Variants in FRMD6 observed in about 807,000 individuals in gnomAD.
FRMD6 encodes the protein FERM domain containing 6.
In FRMD6, 37 loss-of-function variants were observed where a neutral mutation model predicts 73.2. That is an observed-to-expected ratio of 0.51 (90% CI 0.39 to 0.66). The LOEUF is 0.66. Among genes scored for constraint, FRMD6 ranks in the 30% least tolerant of loss-of-function variants. The pLI is 0.00. For missense variants in FRMD6, 714 were observed against 780.5 expected (o/e 0.91, Z 1.02); for synonymous variants, 273 against 282.2 (o/e 0.97, Z 0.33).
At chr14:51,426,039 C>T in the FRMD6 span, among the ~76,000 whole-genome samples, 3 of 152,104 alleles carry the variant, frequency 2.0e-5, no homozygotes, top group African/African-American at 4.8e-5. Flanking sequence ...TCTCCAAATC[C>T]AGTCTCATAA....
intron 1 of FRMD6, among the ~76,000 whole-genome samples, chr14:51,554,406 C>T (rs569737930): frequency 6.6e-6 from 1 of 152,140 alleles, no homozygotes; most frequent in Non-Finnish European, 1.5e-5. Context: ...ATAGTAACTT[C>T]CTTCCAAAGA....
At chr14:51,576,447 T>A (rs974438608) in intron 2 of FRMD6, among the ~76,000 whole-genome samples, 1 of 152,172 alleles carries the variant, frequency 6.6e-6, no homozygotes, top group South Asian at 2.1e-4. Flanking sequence ...GACTGAAACC[T>A]CCTCTGTCTT....
At chr14:51,628,799 TCAAAAAAAA>T (rs1891216261) in intron 2 of FRMD6, among the ~76,000 whole-genome samples, 1 of 9,324 alleles carries the variant, frequency 1.1e-4, no homozygotes, top group Non-Finnish European at 2.2e-4. Context: ...AGACTCTGTC[TCAAAAAAAA>T]AAAAAAAAAA....
chr14:51,665,317 C>A (rs1893502322), intron 1 of FRMD6, among the ~76,000 whole-genome samples: 1 of 152,306 alleles, frequency 6.6e-6, no homozygotes, highest in East Asian at 1.9e-4. Context: ...TGGGACCAAG[C>A]TGTTGTAGGC....
chr14:51,420,805 C>T, the FRMD6 span, among the ~76,000 whole-genome samples: 5 of 152,110 alleles, frequency 3.3e-5, no homozygotes, highest in East Asian at 1.9e-4. Flanking sequence ...AATGGAGTCT[C>T]GCTCTGTCAC....
chr14:51,644,842 A>ACGCTC (rs2140048612), intron 2 of FRMD6, among the ~76,000 whole-genome samples: 1 of 152,306 alleles, frequency 6.6e-6, no homozygotes, highest in East Asian at 1.9e-4. Flanking sequence ...ATATATAAAA[A>ACGCTC]TGTTTTTACA....
intron 12 of FRMD6, among the ~76,000 whole-genome samples, chr14:51,725,163 T>G (rs916339295): frequency 6.6e-6 from 1 of 152,184 alleles, no homozygotes; most frequent in Non-Finnish European, 1.5e-5. Flanking sequence ...TTTTATGCAT[T>G]CACTGTGTAA....
At chr14:51,437,787 C>A in the FRMD6 span, among the ~76,000 whole-genome samples, 429 of 152,266 alleles carry the variant, frequency 2.8e-3, 2 homozygotes, top group Non-Finnish European at 4.9e-3. Context: ...GTGTCTCTAC[C>A]CCTTTCTGTT....
At position 51,727,748 on chromosome 14, in the gene FRMD6, A is replaced by C. The variant is rs374799440; in HGVS notation, c.1588A>C (p.Ile530Leu). 123 of 1,595,966 alleles carry C rather than the reference A, an allele frequency of 7.7e-5. No individual in the cohort carries two copies. The highest frequency in any genetic ancestry group is 1.0e-4 in the Non-Finnish European group (122 of 1,165,290). Reference sequence around the variant, plus strand: ...TCATCCTTCCCTTATCTTGCAGACTATATGTCGGAAACCAAAGACCTCCAC... The same window carrying C: ...TCATCCTTCCCTTATCTTGCAGACTCTATGTCGGAAACCAAAGACCTCCAC... Reference protein sequence around the residue: ...GQSTDSLPQTICRKPKTSTDR... With the variant: ...GQSTDSLPQTLCRKPKTSTDR... The change falls in exon 14 of 14, where the codon ATA becomes CTA. Residue 530 changes from isoleucine to leucine, a missense_variant. By Grantham distance (5) the Ile-to-Leu change is conservative. Transcript: ENST00000344768.
At position 51,493,625 on chromosome 14, in the gene FRMD6, C is replaced by G. The variant is rs1367411344; in HGVS notation, c.-210+4205C>G. On this transcript the variant is annotated intron_variant, in intron 1 of 14. Coordinates refer to the FRMD6 transcript ENST00000356218. ...CTGTTTCCTTTATAAATTACCCAGT[C>G]TCAGCTGTGTCTTTATTAGCAGTGT... Among the ~76,000 whole-genome samples, 68 of 152,172 alleles carry G rather than the reference C, an allele frequency of 4.5e-4. 1 individual carries two copies. Among genetic ancestry groups the G allele is most frequent in the Non-Finnish European group, 8.8e-5 (6 of 68,034 alleles).
At chr14:51,414,533 A>T in the FRMD6 span, among the ~76,000 whole-genome samples, 2 of 152,220 alleles carry the variant, frequency 1.3e-5, no homozygotes, top group Admixed American at 6.5e-5. Context: ...TGGTACCAGT[A>T]CCACGCTGTT....
chr14:51,514,521 T>TA lies in FRMD6; in HGVS notation c.-210+25108dup, dbSNP rs1176408927. On this transcript the variant is annotated intron_variant, in intron 1 of 14. Coordinates refer to the FRMD6 transcript ENST00000356218. ...CAGAACTTAAAGTAAAATAAATAAA[T>TA]AAAAAAAGATAAAATGTGAGTAAGA... Among the ~76,000 whole-genome samples the TA allele has an allele frequency of 6.6e-5, 10 of 151,952 alleles. No homozygotes were observed. The East Asian group carries it at 1.9e-3, about 29-fold the overall frequency.
chr14:51,483,092 T>G, the FRMD6 span, among the ~76,000 whole-genome samples: 4 of 152,232 alleles, frequency 2.6e-5, no homozygotes, highest in Admixed American at 2.6e-4. Flanking sequence ...TGCTTAGTTG[T>G]GTACTGGAAT....
At chr14:51,587,463 C>T (rs1889118070) in intron 2 of FRMD6, among the ~76,000 whole-genome samples, 1 of 152,154 alleles carries the variant, frequency 6.6e-6, no homozygotes, top group South Asian at 2.1e-4. Context: ...GCGAAATTGA[C>T]CAACCCTAAA....
intron 1 of FRMD6, among the ~76,000 whole-genome samples, chr14:51,669,987 A>T (rs1044529035): frequency 6.6e-6 from 1 of 152,108 alleles, no homozygotes; most frequent in Admixed American, 6.5e-5. Context: ...TAATTTCTGT[A>T]TAAGGGCTGA....
the FRMD6 span, among the ~76,000 whole-genome samples, chr14:51,448,993 C>A: frequency 6.6e-6 from 1 of 152,154 alleles, no homozygotes; most frequent in Non-Finnish European, 1.5e-5. Flanking sequence ...CAAGGGTAGG[C>A]AAACAATGCC....
chr14:51,451,895 C>G, the FRMD6 span, among the ~76,000 whole-genome samples: 1 of 152,138 alleles, frequency 6.6e-6, no homozygotes, highest in Non-Finnish European at 1.5e-5. Context: ...TATAAACTGC[C>G]CAGCTTTGGG....
At position 51,512,366 on chromosome 14, in the gene FRMD6, T is replaced by C. The variant is rs78668416; in HGVS notation, c.-210+22946T>C. On this transcript the variant is annotated intron_variant, in intron 1 of 14. Coordinates refer to the FRMD6 transcript ENST00000356218. ...CAAAGTAAAAGGAGTTAACCTAGTC[T>C]GGAAAATCCTGCCACTAGAATTATG... Among the ~76,000 whole-genome samples, 676 of 152,328 alleles carry C rather than the reference T, an allele frequency of 4.4e-3. 3 individuals are homozygous for C. The highest frequency in any genetic ancestry group is 0.016 in the African/African-American group (653 of 41,568).
chr14:51,425,013 C>G, the FRMD6 span, among the ~76,000 whole-genome samples: 6 of 152,288 alleles, frequency 3.9e-5, no homozygotes, highest in Admixed American at 3.9e-4. Context: ...ACAGCTGAGA[C>G]AGGGAATTCC....
Sources: allele counts gnomAD v4.1 joint callset (sites outside exome capture counted in the v4.1 genomes callset), GRCh38; gene constraint gnomAD v4.1.1; transcripts MANE v1.5; gene names NCBI Gene and HGNC (gene_info 2026-07-23, HGNC 2026-07-21).